BRWD1: variants seen among roughly 807,000 people sequenced by gnomAD.
BRWD1 encodes the protein bromodomain and WD repeat-containing protein 1.
BRWD1 carries 82 observed loss-of-function variants against 251.2 expected under a neutral mutation model. That is an observed-to-expected ratio of 0.33 (90% confidence interval 0.27 to 0.39). The LOEUF (loss-of-function observed/expected upper bound fraction) is 0.39. BRWD1 is among the 10% of genes least tolerant of loss of function. BRWD1 has a pLI of 1.00. For synonymous variants in BRWD1, 918 were observed against 902.8 expected (o/e 1.02, Z -0.30); for missense variants, 2,233 against 2,711.6 (o/e 0.82, Z 3.92).
chr21:39,270,254 T>C, intron 14 of BRWD1, 29 bp downstream of exon 14: 3 of 1,507,806 alleles, frequency 2.0e-6, no homozygotes, highest in East Asian at 2.4e-5. Flanking sequence ...AAAAATCTCA[T>C]TTGTTACACT....
rs146997636 is a variant in BRWD1, at chr21:39,237,371, T to C, written c.2577-587A>G. Among the ~76,000 whole-genome samples the C allele has an allele frequency of 6.8e-3, 1,032 of 152,242 alleles. 10 individuals are homozygous for C. Among genetic ancestry groups the C allele is most frequent in the Non-Finnish European group, 8.8e-3 (596 of 68,022 alleles). On this transcript the variant is annotated intron_variant, in intron 22 of 40. Coordinates refer to ENST00000342449, the MANE Select transcript of BRWD1 (RefSeq NM_033656.4). ...TCAGAGTCAAAGAGGAAACTAGTTA[T>C]AGAAAACTAGTCCCTGGTCCACTAC...
upstream of BRWD1, chr21:39,314,286 C>T: frequency 2.2e-6 from 1 of 455,974 alleles, no homozygotes; most frequent in East Asian, 7.0e-5. Context: ...GCTGCCGAGA[C>T]CCAGCCACAT....
chr21:39,196,972 T>C lies in BRWD1; in HGVS notation c.6097A>G (p.Thr2033Ala). Residue 2033 changes from threonine (T) to alanine (A), a missense_variant, in exon 41 of 41, where the codon ACC (threonine) becomes GCC (alanine). Physicochemically the swap from Thr to Ala is moderately conservative, Grantham distance 58. Transcript: ENST00000342449. ...MLNSEHKHRH[T>A]NIHKIDAPSK... is the part of the protein sequence containing the mutation. ...GGTGCATCTATTTTGTGAATATTGG[T>C]ATGCCTGTGCTTGTGTTCTGAATTC... 1.9e-6 allele frequency: 3 copies of C among 1,614,060 alleles called. No homozygotes were observed. Among genetic ancestry groups the C allele is most frequent in the Non-Finnish European group, 2.5e-6 (3 of 1,179,958 alleles).
At chr21:39,316,029 G>A (rs934051277), upstream of BRWD1, among the ~76,000 whole-genome samples, 5 of 152,178 alleles carry the variant, frequency 3.3e-5, no homozygotes, top group African/African-American at 1.2e-4. Context: ...ACTTTGGAGA[G>A]GATGGGACCA....
intron 32 of BRWD1, among the ~76,000 whole-genome samples, chr21:39,214,234 C>A (rs2032787221): frequency 1.3e-5 from 2 of 152,050 alleles, no homozygotes; most frequent in Admixed American, 1.3e-4. Context: ...TAGAATAGAG[C>A]AGACTAGAAC....
At position 39,193,199 on chromosome 21, in the gene BRWD1, A is replaced by G. The variant is rs1326123883; in HGVS notation, c.*3060T>C. 1.0e-6 allele frequency: 1 copy of G among 985,058 alleles called. No homozygotes were observed. 61.0% of individuals were successfully genotyped at this position (985,058 alleles called of 1,614,324 possible). A position where few individuals can be genotyped will look rare whatever the true frequency, so the allele number is the denominator to read the frequency against. On this transcript the variant is annotated 3_prime_UTR_variant, in exon 41 of 41. Transcript: ENST00000342449. ...TAAACCCAATTTCCTCTTTAGGTGC[A>G]GCTCTACTATTTGAAAGGAACCTTT...
chr21:39,312,993 G>GGCGGCC (rs2036559284), intron 3 of BRWD1, 79 bp downstream of exon 3: 1 of 1,068,648 alleles, frequency 9.4e-7, no homozygotes, highest in Non-Finnish European at 1.2e-6. Flanking sequence ...GGCGGCGGGC[G>GGCGGCC]GGGGGCGCGG....
At chr21:39,290,660 A>G (rs1173050797) in intron 8 of BRWD1, among the ~76,000 whole-genome samples, 1 of 152,216 alleles carries the variant, frequency 6.6e-6, no homozygotes, top group Non-Finnish European at 1.5e-5. Context: ...CTCTCAAAGT[A>G]TAAATTTTCT....
upstream of BRWD1, among the ~76,000 whole-genome samples, chr21:39,318,493 A>G (rs1243787818): frequency 6.6e-6 from 1 of 152,246 alleles, no homozygotes; most frequent in African/African-American, 2.4e-5. Context: ...GGCAGGAAGT[A>G]GATGACGTTG....
chr21:39,221,154 TAAAAA>T (rs35879682), intron 29 of BRWD1, among the ~76,000 whole-genome samples: 1 of 109,908 alleles, frequency 9.1e-6, no homozygotes, highest in Admixed American at 9.8e-5. Context: ...AACTACATCT[TAAAAA>T]AAAAAAAAAA....
intron 19 of BRWD1, among the ~76,000 whole-genome samples, chr21:39,251,481 T>A (rs1245838767): frequency 1.3e-5 from 2 of 152,238 alleles, no homozygotes; most frequent in Non-Finnish European, 2.9e-5. Context: ...GTGGCTTTTA[T>A]GTTTTTGTTT....
intron 29 of BRWD1, among the ~76,000 whole-genome samples, chr21:39,223,365 C>T (rs140849696): frequency 1.4e-3 from 219 of 152,002 alleles, no homozygotes; most frequent in Non-Finnish European, 2.4e-3. Flanking sequence ...TGCAGATATT[C>T]AGAGATTTTC....
intron 23 of BRWD1, among the ~76,000 whole-genome samples, chr21:39,233,957 T>C (rs567240966): frequency 2.0e-4 from 30 of 152,144 alleles, no homozygotes; most frequent in Middle Eastern, 3.4e-3. Flanking sequence ...GAGGTGGAGG[T>C]TGCAGTGAGC....
rs2146447127 is a variant in BRWD1 at position 39,194,022 on chromosome 21, G to A, written c.*2237C>T. 1.0e-6 allele frequency: 1 copy of A among 985,450 alleles called. No individual in the cohort carries two copies. 61.0% of individuals were successfully genotyped at this position (985,450 alleles called of 1,614,324 possible). On this transcript the variant is annotated 3_prime_UTR_variant, in exon 41 of 41. Coordinates refer to ENST00000342449, the MANE Select transcript of BRWD1 (RefSeq NM_033656.4). The stretch of plus-strand genomic sequence containing the variant: ...TCGGCTATGCTTTTAAAGACATCAG[G>A]TCCATTCTTGCTGCTTCTGATGAAA...
At chr21:39,226,909 A>G (rs1388236889) in intron 27 of BRWD1, among the ~76,000 whole-genome samples, 1 of 152,226 alleles carries the variant, frequency 6.6e-6, no homozygotes, top group Non-Finnish European at 1.5e-5. Context: ...GGATTGCTTG[A>G]GCCCAGGAAT....
intron 23 of BRWD1, among the ~76,000 whole-genome samples, chr21:39,233,978 C>T (rs2033718907): frequency 6.6e-6 from 1 of 152,146 alleles, no homozygotes; most frequent in African/African-American, 2.4e-5. Flanking sequence ...CGAGATTGCC[C>T]CACTGCGCTC....
intron 4 of BRWD1, among the ~76,000 whole-genome samples, chr21:39,308,073 GTTGC>G (rs1036184396): frequency 7.9e-5 from 12 of 152,114 alleles, no homozygotes; most frequent in Non-Finnish European, 1.8e-4. Flanking sequence ...CAGATGAGGT[GTTGC>G]TTATGTTGCC....
intron 15 of BRWD1, among the ~76,000 whole-genome samples, chr21:39,266,152 T>C (rs1451134073): frequency 6.6e-6 from 1 of 152,136 alleles, no homozygotes; most frequent in African/African-American, 2.4e-5. Flanking sequence ...ACTGCTTGAA[T>C]AGTGATACTT....
intron 8 of BRWD1, among the ~76,000 whole-genome samples, chr21:39,280,483 CA>C (rs1442516116): frequency 6.6e-6 from 1 of 151,986 alleles, no homozygotes; most frequent in East Asian, 1.9e-4. Context: ...AAAACTTTAA[CA>C]AGGTGGAGAT....
Sources: allele counts gnomAD v4.1 joint callset (sites outside exome capture counted in the v4.1 genomes callset), GRCh38; gene constraint gnomAD v4.1.1; transcripts MANE v1.5; gene names NCBI Gene and HGNC (gene_info 2026-07-23, HGNC 2026-07-21).